AMBRA1: variants seen among roughly 807,000 people sequenced by gnomAD.
The protein encoded by AMBRA1 is activating molecule in BECN1-regulated autophagy protein 1.
Under a neutral mutation model 125.4 loss-of-function variants are expected in AMBRA1, and 47 were observed. The observed-to-expected ratio is 0.37, with a 90% CI of 0.30 to 0.48. The LOEUF (loss-of-function observed/expected upper bound fraction) is 0.48, where lower values mean the gene tolerates loss of function less well. Ranked by LOEUF, AMBRA1 falls within the 20% of genes least tolerant of loss-of-function variation. The pLI, the probability that AMBRA1 is intolerant of heterozygous loss-of-function variation, is 0.99. For synonymous variants in AMBRA1, 626 were observed against 655.5 expected (o/e 0.95, Z 0.69); for missense variants, 1,331 against 1,693.4 (o/e 0.79, Z 3.76).
intron 8 of AMBRA1, 112 bp from the exon 9 acceptor site, chr11:46,508,482 G>T (rs1312427613): frequency 8.1e-6 from 9 of 1,106,320 alleles, no homozygotes; most frequent in Non-Finnish European, 1.2e-5. Context: ...GAACTCTGGA[G>T]ACATGAAAAT....
chr11:46,519,505 T>C (rs1204013541), intron 7 of AMBRA1, among the ~76,000 whole-genome samples: 2 of 152,304 alleles, frequency 1.3e-5, no homozygotes, highest in East Asian at 1.9e-4. Context: ...ACAAACATGT[T>C]TGGACTTTCT....
intron 7 of AMBRA1, among the ~76,000 whole-genome samples, chr11:46,525,533 T>C (rs1951930336): frequency 6.6e-6 from 1 of 152,082 alleles, no homozygotes; most frequent in Non-Finnish European, 1.5e-5. Flanking sequence ...TCAAGATCAC[T>C]TGAGGTCAGG....
rs150212178 is a variant in AMBRA1, at chr11:46,463,275, C to T, written c.2522-19677G>A. ...ACTCAAAATCTACAAGCCAAGTATA[C>T]CTGTTCTATTCCCACTCAACACTTT... On this transcript the variant is annotated intron_variant, in intron 11 of 17. Coordinates refer to ENST00000683756, the MANE Select transcript of AMBRA1 (RefSeq NM_001387011.1). 7.8e-4 allele frequency among the ~76,000 whole-genome samples: 119 copies of T among 152,284 alleles called. 1 individual carries two copies. Among genetic ancestry groups the T allele is most frequent in the East Asian group, 5.6e-3 (29 of 5,184 alleles).
At position 46,397,467 on chromosome 11, in the gene AMBRA1, C is replaced by A. The variant is rs1188643689; in HGVS notation, c.3880G>T (p.Glu1294Ter). The A allele has an allele frequency of 2.0e-6, 3 of 1,504,864 alleles. No homozygotes were observed. The highest frequency in any genetic ancestry group is 2.7e-5 in the South Asian group (2 of 73,350). The allele number at this position is 1,504,864 out of a possible 1,614,324, so 93.2% of individuals were successfully genotyped here. ...SRGDAAGPRG[E>*]PRNR ...GTTTGTCTCTACCTGTTCCGTGGTT[C>A]TCCCCTAGGGCCTGCAGCGTCCCCC... The change falls in exon 18 of 18, where the codon GAA becomes TAA. Residue 1294 changes from glutamate (E) to a stop codon, truncating the protein, a stop_gained. Coordinates refer to ENST00000683756, the MANE Select transcript of AMBRA1 (RefSeq NM_001387011.1). LOFTEE classifies it high-confidence loss of function.
In AMBRA1 at chr11:46,494,101, G is replaced by A. The variant is rs772273682; in HGVS notation, c.2420+23C>T. 8 of 1,589,484 alleles carry A rather than the reference G, an allele frequency of 5.0e-6. No individual in the cohort carries two copies. The East Asian group carries it at 1.8e-4, about 36-fold the overall frequency. ...CTAGGCTCTAACGAAGGCTCCCTCT[G>A]TTGCTAGCAACTCGGTTCTTACCTT... On this transcript the variant is annotated intron_variant, in intron 10 of 17. Transcript: ENST00000683756.
At chr11:46,581,136 A>T (rs529161752) in intron 1 of AMBRA1, among the ~76,000 whole-genome samples, 54 of 152,116 alleles carry the variant, frequency 3.5e-4, no homozygotes, top group African/African-American at 1.3e-3. Flanking sequence ...CATGATACTC[A>T]TGCTTAAAAC....
At chr11:46,536,476 G>A (rs114894179) in intron 7 of AMBRA1, among the ~76,000 whole-genome samples, 2,838 of 152,290 alleles carry the variant, frequency 0.019, 94 homozygotes, top group African/African-American at 0.065. Flanking sequence ...GAAACTGGGA[G>A]AGATTAGATA....
chr11:46,436,831 TCTAACCA>T (rs1947744292), intron 12 of AMBRA1, among the ~76,000 whole-genome samples: 2 of 151,958 alleles, frequency 1.3e-5, no homozygotes, highest in Admixed American at 1.3e-4. Flanking sequence ...CAATTTACAC[TCTAACCA>T]CCAAAAGCAG....
At chr11:46,475,555 T>G (rs1007411074) in intron 11 of AMBRA1, among the ~76,000 whole-genome samples, 1 of 152,186 alleles carries the variant, frequency 6.6e-6, no homozygotes, top group African/African-American at 2.4e-5. Context: ...AGAGGAATCC[T>G]AGGATAATTC....
chr11:46,492,957 G>A (rs1400523921), intron 11 of AMBRA1, among the ~76,000 whole-genome samples: 3 of 152,252 alleles, frequency 2.0e-5, no homozygotes, highest in Non-Finnish European at 4.4e-5. Context: ...GCTGAGGCAG[G>A]AGAATTGCTT....
At chr11:46,481,526 G>C (rs1188542846) in intron 11 of AMBRA1, among the ~76,000 whole-genome samples, 2 of 152,096 alleles carry the variant, frequency 1.3e-5, no homozygotes, top group African/African-American at 4.8e-5. Flanking sequence ...ACCATGCCTG[G>C]CTAATTTTAT....
intron 1 of AMBRA1, among the ~76,000 whole-genome samples, chr11:46,560,218 CCTCT>C (rs2043286814): frequency 6.6e-6 from 1 of 152,216 alleles, no homozygotes; most frequent in African/African-American, 2.4e-5. Flanking sequence ...AGAACCTGCA[CCTCT>C]ACTGCACACA....
intron 6 of AMBRA1, among the ~76,000 whole-genome samples, chr11:46,543,621 T>C (rs534759177): frequency 2.6e-5 from 4 of 152,292 alleles, no homozygotes; most frequent in African/African-American, 7.2e-5. Flanking sequence ...TCTGAATGAG[T>C]GCAGCTGACA....
At chr11:46,502,708 T>C (rs1950886611) in intron 9 of AMBRA1, among the ~76,000 whole-genome samples, 3 of 152,150 alleles carry the variant, frequency 2.0e-5, no homozygotes, top group South Asian at 2.1e-4. Context: ...TTCTAACATA[T>C]CTTCTTTGCC....
chr11:46,570,167 CAGA>C (rs1184658876), intron 1 of AMBRA1, among the ~76,000 whole-genome samples: 2 of 142,746 alleles, frequency 1.4e-5, no homozygotes, highest in Non-Finnish European at 3.0e-5. Context: ...GAGGCTGAGG[CAGA>C]AGAATCGCTT....
intron 12 of AMBRA1, among the ~76,000 whole-genome samples, chr11:46,442,445 AAG>A (rs1299793549): frequency 1.4e-4 from 21 of 151,970 alleles, no homozygotes; most frequent in African/African-American, 5.1e-4. Flanking sequence ...ACCTGGCTGA[AAG>A]AATATTTTAA....
intron 9 of AMBRA1, among the ~76,000 whole-genome samples, chr11:46,496,214 G>GA (rs972130857): frequency 2.1e-4 from 30 of 144,890 alleles, no homozygotes; most frequent in East Asian, 1.2e-3. Flanking sequence ...TCTCTACTAA[G>GA]AAAAAAAAAA....
rs2864836 is a variant in AMBRA1 at position 46,542,541 on chromosome 11, C to T, written c.1476G>A (p.Ser492=). ...ACTGAAGCTCATGGCGAATGCTGCC[C>T]GAGTTGTTTTGGCTGGAGCCATTCC... ...DGGNGSSQNN[S]GSIRHELQCD... The change falls in exon 7 of 18, where the codon TCG becomes TCA. Residue 492 remains serine, a synonymous_variant. Transcript: ENST00000683756. The surrounding 1 kb of genome is among the most constrained non-coding windows in gnomAD (Gnocchi z 5.9). The T allele has an allele frequency of 2.5e-3, 4,033 of 1,613,134 alleles. 87 individuals carry two copies. In the African/African-American group the frequency reaches 0.045, roughly 18 times the overall value.
intron 1 of AMBRA1, among the ~76,000 whole-genome samples, chr11:46,557,930 C>A (rs1342662114): frequency 6.6e-6 from 1 of 152,152 alleles, no homozygotes; most frequent in Non-Finnish European, 1.5e-5. Context: ...CCAGCTTGTG[C>A]CACTACACTC....
Sources: allele counts gnomAD v4.1 joint callset (sites outside exome capture counted in the v4.1 genomes callset), GRCh38; gene constraint gnomAD v4.1.1; non-coding constraint Gnocchi (gnomAD v3.1); transcripts MANE v1.5; gene names NCBI Gene and HGNC (gene_info 2026-07-23, HGNC 2026-07-21).